The following MAP2K5 variants were observed in gnomAD, a reference collection of about 807,000 sequenced individuals.
MAP2K5 encodes the protein mitogen-activated protein kinase kinase 5.
Under a neutral mutation model 83.1 loss-of-function variants are expected in MAP2K5, and 49 were observed. The ratio of observed to expected loss-of-function variants is 0.59; its 90% confidence interval spans 0.47 to 0.75. The LOEUF is 0.75. MAP2K5 is among the 30% of genes least tolerant of loss of function. MAP2K5 has a pLI of 0.00. For missense variants in MAP2K5, 457 were observed against 557.5 expected, an observed-to-expected ratio of 0.82 and a Z score of 1.82; for synonymous variants, 202 against 191.8, an observed-to-expected ratio of 1.05 and a Z score of -0.44.
chr15:67,732,688 C>T (rs1373752733), intron 17 of MAP2K5, among the ~76,000 whole-genome samples: 1 of 151,866 alleles, frequency 6.6e-6, no homozygotes, highest in African/African-American at 2.4e-5. Context: ...ATTCCGACTC[C>T]CCGCTGCTGC....
rs1046630496 is a variant in MAP2K5, at chr15:67,790,730, CAAAA to C, written c.1243-15906_1243-15903del. 5.0e-5 allele frequency among the ~76,000 whole-genome samples: 7 copies of C among 139,928 alleles called. No homozygotes were observed. Among genetic ancestry groups the C allele is most frequent in the Admixed American group, 1.4e-4 (2 of 14,400 alleles). The allele number at this position is 139,928 out of a possible 152,430, so 91.8% of individuals were successfully genotyped here. A position where few individuals can be genotyped will look rare whatever the true frequency, so the allele number is the denominator to read the frequency against. Reference sequence around the variant, plus strand: ...AGCCAGTCACATAAAAACAAACAAACAAAAAAAAAAAAACCTGTGTCCTAATGTC... The same window carrying C: ...AGCCAGTCACATAAAAACAAACAAACAAAAAAAAACCTGTGTCCTAATGTC... On this transcript the variant is annotated intron_variant, in intron 21 of 21. Transcript: ENST00000178640. The surrounding 1 kb of genome is among the most constrained non-coding windows in gnomAD (Gnocchi z 4.6).
At chr15:67,634,233 G>A (rs1193028593) in intron 9 of MAP2K5, among the ~76,000 whole-genome samples, 1 of 151,274 alleles carries the variant, frequency 6.6e-6, no homozygotes, top group Non-Finnish European at 1.5e-5. Context: ...GCTGGGCATG[G>A]TGGTGTGTGC....
chr15:67,723,130 T>C (rs2089004636), intron 16 of MAP2K5, among the ~76,000 whole-genome samples: 1 of 152,200 alleles, frequency 6.6e-6, no homozygotes, highest in Admixed American at 6.5e-5. Flanking sequence ...GTTTTCTCTT[T>C]ATCATTTATG....
chr15:67,613,568 C>T (rs11631249), intron 8 of MAP2K5, among the ~76,000 whole-genome samples: 18,465 of 152,094 alleles, frequency 0.12, 1,228 homozygotes, highest in East Asian at 0.2. Flanking sequence ...TGGAAACCAT[C>T]AGCTTTGAAT....
intron 4 of MAP2K5, 171 bp from the exon 5 acceptor site, chr15:67,585,719 G>T (rs1045339323): frequency 1.7e-6 from 1 of 586,110 alleles, no homozygotes; most frequent in Admixed American, 2.7e-5. Context: ...GCTCACTCCT[G>T]CAAGTTAAAA....
At position 67,806,507 on chromosome 15, in the gene MAP2K5, G is replaced by T. The variant is rs545768939; in HGVS notation, c.1243-139G>T. On this transcript the variant is annotated intron_variant, in intron 21 of 21. Coordinates refer to ENST00000178640, the MANE Select transcript of MAP2K5 (RefSeq NM_145160.3). ...GCCTCAATTATCTAGGCCGTGAAAT[G>T]GAGCTGATAGCCTCCCTCGTTACCT... is the stretch of plus-strand genomic sequence containing the variant. The T allele has an allele frequency of 2.4e-5, 17 of 707,538 alleles. No homozygotes were observed. In the East Asian group the frequency reaches 4.6e-4, roughly 19 times the overall value. The allele number at this position is 707,538 out of a possible 1,614,324, so 43.8% of individuals were successfully genotyped here.
chr15:67,551,529 T>C (rs1458253588), intron 2 of MAP2K5, among the ~76,000 whole-genome samples: 1 of 152,078 alleles, frequency 6.6e-6, no homozygotes, highest in Non-Finnish European at 1.5e-5. Flanking sequence ...GATGGGGTCT[T>C]GCTATGTTGT....
intron 6 of MAP2K5, among the ~76,000 whole-genome samples, chr15:67,590,413 C>G (rs1252018259): frequency 7.0e-6 from 1 of 142,994 alleles, no homozygotes; most frequent in Non-Finnish European, 1.5e-5. Context: ...CTTCCTCCCT[C>G]TCTCCCTCCC....
intron 17 of MAP2K5, among the ~76,000 whole-genome samples, chr15:67,730,498 A>T (rs866748988): frequency 6.6e-6 from 1 of 152,182 alleles, no homozygotes; most frequent in Non-Finnish European, 1.5e-5. Flanking sequence ...GACATCATCA[A>T]ATCAAACTTC....
At chr15:67,590,611 C>T (rs1379270309) in intron 6 of MAP2K5, among the ~76,000 whole-genome samples, 2 of 152,024 alleles carry the variant, frequency 1.3e-5, no homozygotes, top group Non-Finnish European at 2.9e-5. Flanking sequence ...TGCCGCCATG[C>T]CTGGCTAAGT....
intron 1 of MAP2K5, among the ~76,000 whole-genome samples, chr15:67,548,459 A>T (rs1171977234): frequency 6.6e-6 from 1 of 152,190 alleles, no homozygotes; most frequent in Admixed American, 6.5e-5. Flanking sequence ...GTTTTGTTTT[A>T]TTTATTTGAC....
At chr15:67,711,176 G>A (rs2088683158) in intron 16 of MAP2K5, among the ~76,000 whole-genome samples, 1 of 152,146 alleles carries the variant, frequency 6.6e-6, no homozygotes, top group Admixed American at 6.6e-5. Flanking sequence ...GCCCTAGTGG[G>A]CACTCAGTAA....
In MAP2K5 at chr15:67,637,092, G is replaced by T. The variant is rs1288580518; in HGVS notation, c.585+6165G>T. On this transcript the variant is annotated intron_variant, in intron 9 of 21. Transcript: ENST00000178640. This position sits in a 1 kb window ranked among gnomAD's most constrained non-coding sequence, Gnocchi z 4.5. ...TGGACCTACACCAGTGATTTGCCGG[G>T]GGCTTTCAGGCCTTCAGCTACAGAC... is the stretch of plus-strand genomic sequence containing the variant. Among the ~76,000 whole-genome samples, 1 of 152,090 alleles carries T rather than the reference G, an allele frequency of 6.6e-6. No homozygotes were observed. The highest frequency in any genetic ancestry group is 1.5e-5 in the Non-Finnish European group (1 of 68,006).
At position 67,719,489 on chromosome 15, in the gene MAP2K5, A is replaced by C. The variant is rs1362611567; in HGVS notation, c.1045-8427A>C. On this transcript the variant is annotated intron_variant, in intron 16 of 21. Transcript: ENST00000178640. This position sits in a 1 kb window ranked among gnomAD's most constrained non-coding sequence, Gnocchi z 4.6. ...TATGATTTATACTTTGCCCTTAAAC[A>C]AGTTAAAATTTATAAGGCACTAGAA... 6.6e-6 allele frequency among the ~76,000 whole-genome samples: 1 copy of C among 152,226 alleles called. No individual in the cohort carries two copies. Among genetic ancestry groups the C allele is most frequent in the Non-Finnish European group, 1.5e-5 (1 of 68,038 alleles).
At chr15:67,682,800 T>A (rs1322799847) in intron 13 of MAP2K5, among the ~76,000 whole-genome samples, 1 of 151,194 alleles carries the variant, frequency 6.6e-6, no homozygotes, top group Non-Finnish European at 1.5e-5. Flanking sequence ...ACCACTGCAC[T>A]CCAGCCTGGG....
chr15:67,544,594 T>C (rs1391520119), intron 1 of MAP2K5, among the ~76,000 whole-genome samples: 1 of 152,230 alleles, frequency 6.6e-6, no homozygotes, highest in Non-Finnish European at 1.5e-5. Flanking sequence ...CTAATCTTTC[T>C]GGTATTCATT....
At chr15:67,687,635 T>A (rs1456179470) in intron 13 of MAP2K5, among the ~76,000 whole-genome samples, 1 of 152,192 alleles carries the variant, frequency 6.6e-6, no homozygotes, top group Non-Finnish European at 1.5e-5. Flanking sequence ...CTTCTCAGAA[T>A]GAAGTGTCAT....
intron 7 of MAP2K5, among the ~76,000 whole-genome samples, chr15:67,597,925 C>T (rs143448322): frequency 2.6e-5 from 4 of 152,024 alleles, no homozygotes; most frequent in African/African-American, 4.8e-5. Context: ...ACAGTCAGGC[C>T]GGGCGTGGTC....
chr15:67,628,487 A>G, intron 8 of MAP2K5: 1 of 662,902 alleles, frequency 1.5e-6, no homozygotes, highest in South Asian at 1.8e-5. Flanking sequence ...CTAAAAAAAA[A>G]TAAAAATAAA....
Sources: allele counts gnomAD v4.1 joint callset (sites outside exome capture counted in the v4.1 genomes callset), GRCh38; gene constraint gnomAD v4.1.1; non-coding constraint Gnocchi (gnomAD v3.1); transcripts MANE v1.5; gene names NCBI Gene and HGNC (gene_info 2026-07-23, HGNC 2026-07-21).